The following GDF10 variants were observed in gnomAD, a reference collection of about 807,000 sequenced individuals.
GDF10 encodes the protein growth differentiation factor 10, also known as growth/differentiation factor 10.
GDF10 carries 23 observed loss-of-function variants against 32.1 expected under a neutral mutation model. That is an observed-to-expected ratio of 0.72 (90% CI 0.52 to 1.02). The LOEUF (loss-of-function observed/expected upper bound fraction) is 1.02. GDF10 is among the 50% of genes least tolerant of loss of function. GDF10 has a pLI of 0.00. For synonymous variants in GDF10, 328 were observed against 303.1 expected, an observed-to-expected ratio of 1.08 and a Z score of -0.85; for missense variants, 764 against 673.9, an observed-to-expected ratio of 1.13 and a Z score of -1.48.
chr10:47,310,781 TTCC>T (rs782155005), intron 2 of GDF10, 60 bp downstream of exon 2: 14 of 1,132,554 alleles, frequency 1.2e-5, no homozygotes, highest in African/African-American at 3.0e-5. Context: ...TACCGTCAAG[TTCC>T]TCAGCCTGCA....
intron 1 of GDF10, among the ~76,000 whole-genome samples, chr10:47,306,787 AAGGAAGCGTGAGGCAC>A (rs2061024430): frequency 1.3e-5 from 2 of 152,080 alleles, no homozygotes; most frequent in South Asian, 4.2e-4. Flanking sequence ...ATGAAGGTGG[AAGGAAGCGTGAGGCAC>A]AGTCCTGAGA....
chr10:47,306,804 A>C (rs556809716), intron 1 of GDF10, among the ~76,000 whole-genome samples: 2 of 152,224 alleles, frequency 1.3e-5, no homozygotes, highest in African/African-American at 4.8e-5. Flanking sequence ...CGTGAGGCAC[A>C]GTCCTGAGAA....
In GDF10 at chr10:47,310,010, G is replaced by A. The variant is rs797039236; in HGVS notation, c.534G>A (p.Ser178=). The part of the protein sequence containing the change: ...TRQHLLFRSL[S]QNTATQGLLR... ...AGCACCTGCTCTTCCGCAGCCTCTC[G>A]CAGAACACGGCCACACAGGGGCTAC... Residue 178 remains serine, a synonymous_variant, in exon 2 of 3, where the codon TCG becomes TCA. Coordinates refer to ENST00000580279, the MANE Select transcript of GDF10 (RefSeq NM_004962.5). 6.2e-7 allele frequency: 1 copy of A among 1,609,244 alleles called. No individual in the cohort carries two copies. Among genetic ancestry groups the A allele is most frequent in the South Asian group, 1.1e-5 (1 of 90,758 alleles).
chr10:47,302,209 G>C (rs2061007183), intron 1 of GDF10, among the ~76,000 whole-genome samples: 1 of 152,216 alleles, frequency 6.6e-6, no homozygotes, highest in Non-Finnish European at 1.5e-5. Flanking sequence ...ACTAAAGCTA[G>C]GTGGACTTGA....
chr10:47,310,242 C>T lies in GDF10; in HGVS notation c.766C>T (p.Pro256Ser). The T allele has an allele frequency of 6.2e-7, 1 of 1,609,758 alleles. No homozygotes were observed. Among genetic ancestry groups the T allele is most frequent in the South Asian group, 1.1e-5 (1 of 90,424 alleles). The change falls in exon 2 of 3, where the codon CCC becomes TCC. Residue 256 changes from proline (P) to serine (S), a missense_variant. By Grantham distance (74) the Pro-to-Ser change is moderately conservative (BLOSUM62 -1). Coordinates refer to ENST00000580279, the MANE Select transcript of GDF10 (RefSeq NM_004962.5). ...TGCCAACGATCTGGCCATCTCGGAGCCCAACAGCGTGGCAGTGACGCTGCA... is the reference window on the plus strand; with the variant it reads ...TGCCAACGATCTGGCCATCTCGGAGTCCAACAGCGTGGCAGTGACGCTGCA... Reference protein sequence around the residue: ...VYANDLAISEPNSVAVTLQRY... With the variant: ...VYANDLAISESNSVAVTLQRY...
At chr10:47,306,971 C>T (rs1483541024) in intron 1 of GDF10, among the ~76,000 whole-genome samples, 14 of 152,014 alleles carry the variant, frequency 9.2e-5, no homozygotes, top group Non-Finnish European at 1.9e-4. Context: ...TGGAGGGCTC[C>T]GAGCTTGGGG....
Position 47,310,298 on chromosome 10 carries a change from C to T in GDF10, c.822C>T (p.Pro274=), listed in dbSNP as rs782523578. The T allele has an allele frequency of 2.5e-6, 4 of 1,607,744 alleles. No individual in the cohort carries two copies. In the Admixed American group the frequency reaches 5.1e-5, roughly 20 times the overall value. The change falls in exon 2 of 3, where the codon CCC becomes CCT. Residue 274 remains proline, a synonymous_variant. Coordinates refer to ENST00000580279, the MANE Select transcript of GDF10 (RefSeq NM_004962.5). ...ACGACCCCTTCCCTGCCGGAGACCC[C>T]GAGCCCCGCGCAGCCCCCAACAACT... The part of the protein sequence containing the change: ...QRYDPFPAGD[P]EPRAAPNNSA...
At chr10:47,306,654 A>G (rs1415821745) in intron 1 of GDF10, among the ~76,000 whole-genome samples, 6 of 152,324 alleles carry the variant, frequency 3.9e-5, no homozygotes, top group African/African-American at 7.2e-5. Context: ...CTGAAGGCCA[A>G]TGAAGCAGGG....
At chr10:47,308,252 A>C (rs2853838) in intron 1 of GDF10, among the ~76,000 whole-genome samples, 103,777 of 152,042 alleles carry the variant, frequency 0.68, 37,829 homozygotes, top group Non-Finnish European at 0.8. Context: ...ATTGTTATGC[A>C]GTCAAGGCCA....
In GDF10 at chr10:47,310,462, G is replaced by A. The variant is rs143673961; in HGVS notation, c.986G>A (p.Arg329Gln). The change falls in exon 2 of 3, where the codon CGG (arginine) becomes CAG (glutamine). Residue 329 changes from arginine to glutamine, a missense_variant. Physicochemically the swap from Arg to Gln is conservative, Grantham distance 43. Transcript: ENST00000580279. ...CACCAGCTGTGGCCCAGCCCCTTCC[G>A]GGCGCTGAAACCCCGGCCAGGGCGC... ...HKHQLWPSPFRALKPRPGRKD... is the reference protein window; with the variant it reads ...HKHQLWPSPFQALKPRPGRKD... 30 of 1,613,488 alleles carry A rather than the reference G, an allele frequency of 1.9e-5. No individual in the cohort carries two copies. The highest frequency in any genetic ancestry group is 1.6e-4 in the African/African-American group (12 of 74,924).
intron 1 of GDF10, among the ~76,000 whole-genome samples, chr10:47,304,491 G>A (rs1042828361): frequency 4.6e-5 from 7 of 152,060 alleles, no homozygotes; most frequent in African/African-American, 1.7e-4. Flanking sequence ...GGAAAACCTG[G>A]AAATTATAGA....
rs782775880 is a variant in GDF10 at position 47,310,223 on chromosome 10, C to G, written c.747C>G (p.Asn249Lys). 1.2e-5 allele frequency: 20 copies of G among 1,610,692 alleles called. 1 individual carries two copies. In the South Asian group the frequency reaches 2.0e-4, roughly 16 times the overall value. The change falls in exon 2 of 3, where the codon AAC (asparagine) becomes AAG (lysine). Residue 249 changes from asparagine (N) to lysine (K), a missense_variant. Physicochemically the swap from Asn to Lys is moderately conservative, Grantham distance 94 (BLOSUM62 0). Coordinates refer to ENST00000580279, the MANE Select transcript of GDF10 (RefSeq NM_004962.5). ...CGCCCTACATCCTAGTCTATGCCAA[C>G]GATCTGGCCATCTCGGAGCCCAACA... ...PYAPYILVYA[N>K]DLAISEPNSV...
chr10:47,307,403 A>G (rs144053565), intron 1 of GDF10, among the ~76,000 whole-genome samples: 2 of 152,354 alleles, frequency 1.3e-5, no homozygotes, highest in African/African-American at 4.8e-5. Flanking sequence ...GTTCTCTTCA[A>G]TGCTTCTCTC....
rs2061042535 is a variant in GDF10 at position 47,310,608 on chromosome 10, C to T, written c.1132C>T (p.Arg378Trp). The part of the protein sequence containing the change: ...KQWDEPRVCS[R>W]RYLKVDFADI... The stretch of plus-strand genomic sequence containing the variant: ...GTGGGATGAGCCGAGGGTGTGCTCC[C>T]GGAGGTACCTGAAGGTGGACTTCGC... The change falls in exon 2 of 3, where the codon CGG (arginine) becomes TGG (tryptophan). Residue 378 changes from arginine (R) to tryptophan (W), a missense_variant. Transcript: ENST00000580279. 1.2e-6 allele frequency: 2 copies of T among 1,613,930 alleles called. No homozygotes were observed. The highest frequency in any genetic ancestry group is 1.7e-6 in the Non-Finnish European group (2 of 1,179,946).
chr10:47,300,446 G>A lies in GDF10; in HGVS notation c.-206G>A, dbSNP rs924861028. On this transcript the variant is annotated 5_prime_UTR_variant, in exon 1 of 3. Coordinates refer to ENST00000580279, the MANE Select transcript of GDF10 (RefSeq NM_004962.5). ...GGACGGCTGTGACCGCTGGCCGGGG[G>A]CTCGGGCCGCCGGTACCCACGGACC... 43 of 504,548 alleles carry A rather than the reference G, an allele frequency of 8.5e-5. 1 individual carries two copies. In the East Asian group the frequency reaches 1.5e-3, roughly 18 times the overall value. 31.3% of individuals were successfully genotyped at this position (504,548 alleles called of 1,614,324 possible).
intron 1 of GDF10, among the ~76,000 whole-genome samples, chr10:47,301,498 C>T (rs1413705883): frequency 2.0e-5 from 3 of 152,192 alleles, no homozygotes; most frequent in East Asian, 1.9e-4. Context: ...TGGCATGAAG[C>T]GTTCAGACCA....
At chr10:47,302,813 A>G (rs1296264840) in intron 1 of GDF10, among the ~76,000 whole-genome samples, 1 of 152,214 alleles carries the variant, frequency 6.6e-6, no homozygotes, top group African/African-American at 2.4e-5. Flanking sequence ...TGAAACAGAC[A>G]AGCCTGGGAA....
chr10:47,308,081 G>A (rs375371796), intron 1 of GDF10, among the ~76,000 whole-genome samples: 1 of 152,044 alleles, frequency 6.6e-6, no homozygotes, highest in Non-Finnish European at 1.5e-5. Context: ...GGGATGGGGG[G>A]GTGCAACATT....
rs947027763 is a variant in GDF10 at position 47,313,148 on chromosome 10, G to A, written c.*356G>A. ...AAGAAGACTATGCAAATCTTAGGGC[G>A]CTCGCTCCCTGCACACGGAAAGAAC... On this transcript the variant is annotated 3_prime_UTR_variant, in exon 3 of 3. Coordinates refer to ENST00000580279, the MANE Select transcript of GDF10 (RefSeq NM_004962.5). 22 of 171,984 alleles carry A rather than the reference G, an allele frequency of 1.3e-4. No individual in the cohort carries two copies. Among genetic ancestry groups the A allele is most frequent in the Non-Finnish European group, 1.5e-4 (12 of 81,804 alleles). 10.7% of individuals were successfully genotyped at this position (171,984 alleles called of 1,614,324 possible).
Sources: gnomAD v4.1 joint callset for allele counts (sites outside exome capture counted in the v4.1 genomes callset) on GRCh38, gnomAD v4.1.1 for gene constraint, MANE v1.5 for transcripts, NCBI Gene and HGNC (gene_info 2026-07-23, HGNC 2026-07-21) for gene names.